ARID1A: variants seen among roughly 807,000 people sequenced by gnomAD.
ARID1A encodes the protein AT-rich interactive domain-containing protein 1A.
Under a neutral mutation model 212.6 loss-of-function variants are expected in ARID1A, and 20 were observed. The observed-to-expected ratio is 0.09, with a 90% CI of 0.07 to 0.14. The LOEUF (loss-of-function observed/expected upper bound fraction) is 0.14, where lower values mean the gene tolerates loss of function less well. Among genes scored for constraint, ARID1A ranks in the 10% least tolerant of loss-of-function variants. The probability of loss-of-function intolerance (pLI) is 1.00; values close to 1 mark genes in which losing one functional copy is unlikely to be tolerated. For synonymous variants in ARID1A, 1,376 were observed against 1,222.1 expected (o/e 1.13, Z -2.63); for missense variants, 2,587 against 3,059.0 (o/e 0.85, Z 3.64).
chr1:26,710,105 G>A (rs1570554663), intron 1 of ARID1A, among the ~76,000 whole-genome samples: 1 of 146,458 alleles, frequency 6.8e-6, no homozygotes, highest in South Asian at 2.2e-4. Context: ...GTGCTGGGAT[G>A]ACAGATGTGA....
chr1:26,761,122 G>A lies in ARID1A; in HGVS notation c.2161+26G>A, dbSNP rs1209679984. On this transcript the variant is annotated intron_variant, in intron 5 of 19. Coordinates refer to ENST00000324856, the MANE Select transcript of ARID1A (RefSeq NM_006015.6). ...GTACCCTCAAGTGCTGGGCTTTAGG[G>A]AGAGGGAAAGGTGACTGCCCCCAGT... 4.3e-6 allele frequency: 7 copies of A among 1,610,256 alleles called. No individual in the cohort carries two copies. In the Admixed American group the frequency reaches 1.2e-4, roughly 27 times the overall value.
At chr1:26,750,602 G>A (rs890056024) in intron 4 of ARID1A, among the ~76,000 whole-genome samples, 3 of 152,082 alleles carry the variant, frequency 2.0e-5, no homozygotes, top group African/African-American at 7.2e-5. Flanking sequence ...GTTTGAAGTG[G>A]CCTAAGAGGA....
rs904849644 is a variant in ARID1A, at chr1:26,774,934, A to G, written c.4707A>G (p.Pro1569=). ...APVPPMTRPP[P]SNYQPPPSMQ... ...TGCCCCCCATGACAAGGCCCCCTCCATCTAACTACCAGCCCCCACCAAGCA... is the reference window on the plus strand; with the variant it reads ...TGCCCCCCATGACAAGGCCCCCTCCGTCTAACTACCAGCCCCCACCAAGCA... Residue 1569 remains proline, a synonymous_variant, in exon 18 of 20, where the codon CCA becomes CCG. Transcript: ENST00000324856. The surrounding 1 kb of genome is among the most constrained non-coding windows in gnomAD (Gnocchi z 5.6). The G allele has an allele frequency of 1.1e-5, 9 of 814,780 alleles. No homozygotes were observed. Among genetic ancestry groups the G allele is most frequent in the Admixed American group, 9.1e-5 (3 of 33,044 alleles). 50.5% of individuals were successfully genotyped at this position (814,780 alleles called of 1,614,324 possible).
chr1:26,763,726 G>A (rs1479958490), intron 8 of ARID1A, among the ~76,000 whole-genome samples: 4 of 152,282 alleles, frequency 2.6e-5, no homozygotes, highest in South Asian at 2.1e-4. Context: ...CCAAGACTGC[G>A]CCACCACACT....
At chr1:26,721,403 G>A (rs1314155835) in intron 1 of ARID1A, among the ~76,000 whole-genome samples, 1 of 152,122 alleles carries the variant, frequency 6.6e-6, no homozygotes, top group South Asian at 2.1e-4. Flanking sequence ...GTAGAGACCA[G>A]GTTTCACCAT....
rs2124739772 is a variant in ARID1A at position 26,696,426 on chromosome 1, C to A, written c.23C>A (p.Ala8Asp). The A allele has an allele frequency of 7.7e-7, 1 of 1,290,994 alleles. No individual in the cohort carries two copies. Among genetic ancestry groups the A allele is most frequent in the Non-Finnish European group, 9.8e-7 (1 of 1,020,444 alleles). The allele number at this position is 1,290,994 out of a possible 1,614,324, so 80.0% of individuals were successfully genotyped here. MAAQVAP[A>D]AASSLGNPPP... ...ATCATGGCCGCGCAGGTCGCCCCCG[C>A]CGCCGCCAGCAGCCTGGGCAACCCG... The change falls in exon 1 of 20, where the codon GCC becomes GAC. Residue 8 changes from alanine (A) to aspartate (D), a missense_variant. By Grantham distance (126) the Ala-to-Asp change is moderately radical. Around this residue, in one of 11 missense-constraint regions of ARID1A, gnomAD observed 735 missense variants for 590.6 expected, o/e 1.24. Coordinates refer to ENST00000324856, the MANE Select transcript of ARID1A (RefSeq NM_006015.6).
intron 1 of ARID1A, among the ~76,000 whole-genome samples, chr1:26,701,488 C>G (rs896919203): frequency 7.2e-5 from 11 of 152,166 alleles, no homozygotes; most frequent in African/African-American, 2.7e-4. Flanking sequence ...ACAGGACTCA[C>G]AACAGGAGGA....
chr1:26,756,564 TA>T lies in ARID1A; in HGVS notation c.1921-4278del, dbSNP rs59135556. Among the ~76,000 whole-genome samples the T allele has an allele frequency of 3.0e-3, 384 of 129,784 alleles. 1 individual carries two copies. Among genetic ancestry groups the T allele is most frequent in the Admixed American group, 4.2e-3 (57 of 13,516 alleles). The allele number at this position is 129,784 out of a possible 152,430, so 85.1% of individuals were successfully genotyped here. A position where few individuals can be genotyped will look rare whatever the true frequency, so the allele number is the denominator to read the frequency against. ...GACCCAGACCGAGACCCTGTCTCTT[TA>T]AAAAAAAAAAAAACAAAAAAACACA... On this transcript the variant is annotated intron_variant, in intron 4 of 19. Transcript: ENST00000324856.
chr1:26,756,494 T>C (rs1327066708), intron 4 of ARID1A, among the ~76,000 whole-genome samples: 2 of 150,880 alleles, frequency 1.3e-5, no homozygotes, highest in African/African-American at 4.9e-5. Context: ...AGGTGGAAGT[T>C]GCAGTGAGCC....
rs1007749223 is a variant in ARID1A at position 26,781,101 on chromosome 1, A to G, written c.*345A>G. The G allele has an allele frequency of 3.6e-6, 1 of 276,394 alleles. No homozygotes were observed. The highest frequency in any genetic ancestry group is 5.2e-5 in the Admixed American group (1 of 19,096). 17.1% of individuals were successfully genotyped at this position (276,394 alleles called of 1,614,324 possible). ...TTTGGGGAAAAAAAATAAAATAAAA[A>G]TGGCTTTCCCAGTCCTTGCATCAAC... On this transcript the variant is annotated 3_prime_UTR_variant, in exon 20 of 20. Transcript: ENST00000324856.
chr1:26,761,505 A>AT (rs1187923643), intron 6 of ARID1A, 32 bp downstream of exon 6: 1 of 1,609,210 alleles, frequency 6.2e-7, no homozygotes, highest in Admixed American at 1.7e-5. Flanking sequence ...AGGGGCAGGG[A>AT]GCTAGGGCAG....
intron 17 of ARID1A, 33 bp downstream of exon 17, chr1:26,773,931 C>A (rs2124115624): frequency 6.2e-7 from 1 of 1,602,306 alleles, no homozygotes; most frequent in South Asian, 1.1e-5. Context: ...GACTGGCATG[C>A]AGGTTCGCCT....
At chr1:26,757,573 T>G (rs2080953322) in intron 4 of ARID1A, among the ~76,000 whole-genome samples, 1 of 152,176 alleles carries the variant, frequency 6.6e-6, no homozygotes, top group African/African-American at 2.4e-5. Flanking sequence ...GTGGGGAACT[T>G]TGGTGTCGGA....
intron 1 of ARID1A, among the ~76,000 whole-genome samples, chr1:26,726,137 T>C (rs2080615283): frequency 6.6e-6 from 1 of 151,526 alleles, no homozygotes; most frequent in Admixed American, 6.6e-5. Context: ...TTTACAGGCA[T>C]GAGTCACTGC....
In ARID1A at chr1:26,696,075, G is replaced by T; in HGVS notation, c.-329G>T. 1 of 503,642 alleles carries T rather than the reference G, an allele frequency of 2.0e-6. No individual in the cohort carries two copies. Among genetic ancestry groups the T allele is most frequent in the Non-Finnish European group, 2.7e-6 (1 of 374,546 alleles). 31.2% of individuals were successfully genotyped at this position (503,642 alleles called of 1,614,324 possible). A position where few individuals can be genotyped will look rare whatever the true frequency, so the allele number is the denominator to read the frequency against. On this transcript the variant is annotated 5_prime_UTR_variant, in exon 1 of 20. Coordinates refer to ENST00000324856, the MANE Select transcript of ARID1A (RefSeq NM_006015.6). Reference sequence around the variant, plus strand: ...GCGGGGCCAGGCCCTGGGGAGCGGAGCCTCCACCGCCCCCCTCATTCCCAG... The same window carrying T: ...GCGGGGCCAGGCCCTGGGGAGCGGATCCTCCACCGCCCCCCTCATTCCCAG...
At position 26,771,628 on chromosome 1, in the gene ARID1A, G is replaced by A; in HGVS notation, c.3406+302G>A. On this transcript the variant is annotated intron_variant, in intron 12 of 19. Transcript: ENST00000324856. The surrounding 1 kb of genome is among the most constrained non-coding windows in gnomAD (Gnocchi z 5.4). ...GAGTCGGTGGAACTTATAAATGGCA[G>A]CAAGGCAGGGCCATCTGGGAGCTTT... The A allele has an allele frequency of 2.4e-6, 1 of 418,404 alleles. No individual in the cohort carries two copies. The highest frequency in any genetic ancestry group is 4.4e-6 in the Non-Finnish European group (1 of 227,814). 25.9% of individuals were successfully genotyped at this position (418,404 alleles called of 1,614,324 possible).
At position 26,708,266 on chromosome 1, in the gene ARID1A, CTTTTTTTTTTTTTTTTTTTTT is replaced by C. The variant is rs397860721; in HGVS notation, c.1137+10742_1137+10762del. 6.3e-4 allele frequency among the ~76,000 whole-genome samples: 15 copies of C among 23,756 alleles called. No homozygotes were observed. The East Asian group carries it at 0.023, about 37-fold the overall frequency. 15.6% of individuals were successfully genotyped at this position (23,756 alleles called of 152,430 possible). ...TCAGCCTTTAAGATACAGTCCTTCA[CTTTTTTTTTTTTTTTTTTTTT>C]TTTTTTTTTTTTTTTGAGACGGAGT... On this transcript the variant is annotated intron_variant, in intron 1 of 19. Transcript: ENST00000324856.
At chr1:26,703,820 T>A (rs1032517911) in intron 1 of ARID1A, among the ~76,000 whole-genome samples, 5 of 152,194 alleles carry the variant, frequency 3.3e-5, no homozygotes, top group African/African-American at 9.7e-5. Flanking sequence ...GTAGAAACAA[T>A]ATCTCCTTCA....
chr1:26,749,426 C>T (rs1282757897), intron 4 of ARID1A, among the ~76,000 whole-genome samples: 2 of 152,026 alleles, frequency 1.3e-5, no homozygotes, highest in Non-Finnish European at 2.9e-5. Flanking sequence ...CAGAAGCACT[C>T]GATGTGATTA....
Sources: gnomAD v4.1 joint callset for allele counts (sites outside exome capture counted in the v4.1 genomes callset) on GRCh38, gnomAD v4.1.1 for gene constraint, gnomAD v4.1.1 regional missense constraint, Gnocchi (gnomAD v3.1) non-coding constraint, MANE v1.5 for transcripts, NCBI Gene and HGNC (gene_info 2026-07-23, HGNC 2026-07-21) for gene names.